The following LRRFIP1 variants were observed in gnomAD, a reference collection of about 807,000 sequenced individuals.
LRRFIP1 encodes the protein LRR binding FLII interacting protein 1.
Under a neutral mutation model 104.4 loss-of-function variants are expected in LRRFIP1, and 62 were observed. The observed-to-expected ratio is 0.59, with a 90% CI of 0.48 to 0.73. LRRFIP1 has a LOEUF of 0.73. Among genes scored for constraint, LRRFIP1 ranks in the 30% least tolerant of loss-of-function variants. The probability of loss-of-function intolerance (pLI) is 0.00; values close to 1 mark genes in which losing one functional copy is unlikely to be tolerated. For missense variants in LRRFIP1, 796 were observed against 824.5 expected (o/e 0.97, Z 0.42); for synonymous variants, 300 against 299.0 (o/e 1.00, Z -0.03).
intron 1 of LRRFIP1, among the ~76,000 whole-genome samples, chr2:237,646,297 C>T (rs555759316): frequency 1.3e-5 from 2 of 151,656 alleles, no homozygotes; most frequent in African/African-American, 4.8e-5. Context: ...GCAGGCTGTG[C>T]AGGTTTGTTG....
Position 237,627,699 on chromosome 2 carries a change from C to T in LRRFIP1, c.55C>T (p.Leu19Phe). The change falls in exon 1 of 24, where the codon CTC becomes TTC. Residue 19 changes from leucine to phenylalanine, a missense_variant. Physicochemically the swap from Leu to Phe is conservative, Grantham distance 22. Transcript: ENST00000308482. The stretch of plus-strand genomic sequence containing the variant: ...CAAGCGGCTCCCCAACCGGGAGCGG[C>T]TCACGGCGGAGGACGACGCGCTCAA... ...GRKRLPNRERLTAEDDALNQI... is the reference protein window; with the variant it reads ...GRKRLPNRERFTAEDDALNQI... 1 of 1,371,772 alleles carries T rather than the reference C, an allele frequency of 7.3e-7. No individual in the cohort carries two copies. Among genetic ancestry groups the T allele is most frequent in the Non-Finnish European group, 9.5e-7 (1 of 1,050,934 alleles). The allele number at this position is 1,371,772 out of a possible 1,614,324, so 85.0% of individuals were successfully genotyped here. A position where few individuals can be genotyped will look rare whatever the true frequency, so the allele number is the denominator to read the frequency against.
At chr2:237,744,039 C>G (rs2057475302) in intron 11 of LRRFIP1, among the ~76,000 whole-genome samples, 1 of 152,202 alleles carries the variant, frequency 6.6e-6, no homozygotes. Flanking sequence ...AGAAAAACAA[C>G]ACTATTTTGA....
intron 1 of LRRFIP1, chr2:237,684,299 C>T (rs1575451741): frequency 1.3e-5 from 2 of 151,696 alleles, no homozygotes; most frequent in East Asian, 3.9e-4. Flanking sequence ...TGGTGAAACC[C>T]CATCTCTATT....
chr2:237,647,558 T>C (rs1394812418), intron 1 of LRRFIP1, among the ~76,000 whole-genome samples: 2 of 152,014 alleles, frequency 1.3e-5, no homozygotes, highest in African/African-American at 4.8e-5. Flanking sequence ...AGAAGCGGGG[T>C]CCTGCCCTGT....
intron 11 of LRRFIP1, among the ~76,000 whole-genome samples, chr2:237,740,863 G>A (rs1451465857): frequency 1.3e-5 from 2 of 152,124 alleles, no homozygotes; most frequent in Admixed American, 1.3e-4. Flanking sequence ...TCACTGTGCA[G>A]CATGGCTTTC....
At chr2:237,765,313 G>A (rs1285864627) in intron 19 of LRRFIP1, 4 of 213,374 alleles carry the variant, frequency 1.9e-5, no homozygotes, top group Non-Finnish European at 2.4e-5. Flanking sequence ...TTTCACGCCT[G>A]TAAACCTAGC....
chr2:237,664,429 G>A (rs929584642), intron 1 of LRRFIP1, among the ~76,000 whole-genome samples: 13 of 152,252 alleles, frequency 8.5e-5, no homozygotes, highest in African/African-American at 2.2e-4. Context: ...CGGCGGTGTG[G>A]CAGTGTGTTC....
chr2:237,689,063 A>T lies in LRRFIP1; in HGVS notation c.97-19481A>T, dbSNP rs2092599700. On this transcript the variant is annotated intron_variant, in intron 1 of 23. Coordinates refer to ENST00000308482, the MANE Select transcript of LRRFIP1 (RefSeq NM_001137550.2). ...CTTGCTCTACGTTGAAAAAAAAAAA[A>T]AAGACTGGGGGTGGGAGAGGGGACT... Among the ~76,000 whole-genome samples, 5 of 151,504 alleles carry T rather than the reference A, an allele frequency of 3.3e-5. No individual in the cohort carries two copies. In the South Asian group the frequency reaches 1.1e-3, roughly 32 times the overall value.
intron 20 of LRRFIP1, chr2:237,770,305 A>G (rs2060508249): frequency 7.0e-6 from 2 of 287,300 alleles, no homozygotes; most frequent in Non-Finnish European, 1.3e-5. Context: ...TAATAATATT[A>G]ATGATTAACT....
At position 237,735,509 on chromosome 2, in the gene LRRFIP1, G is replaced by T; in HGVS notation, c.555+176G>T. On this transcript the variant is annotated intron_variant, in intron 10 of 23. Transcript: ENST00000308482. This position sits in a 1 kb window ranked among gnomAD's most constrained non-coding sequence, Gnocchi z 4.6. ...GAAGGTCACAAATAATGTGAATCAG[G>T]AAACCTCTGGTTGTTGGTTTCATGT... 1.7e-6 allele frequency: 1 copy of T among 583,172 alleles called. No homozygotes were observed. The highest frequency in any genetic ancestry group is 3.0e-6 in the Non-Finnish European group (1 of 337,202). The allele number at this position is 583,172 out of a possible 1,614,324, so 36.1% of individuals were successfully genotyped here. A position where few individuals can be genotyped will look rare whatever the true frequency, so the allele number is the denominator to read the frequency against.
chr2:237,654,064 C>T (rs1045444487), intron 1 of LRRFIP1, among the ~76,000 whole-genome samples: 2 of 152,106 alleles, frequency 1.3e-5, no homozygotes, highest in Admixed American at 6.5e-5. Flanking sequence ...AGTAAAATGA[C>T]AAACTAACCT....
rs2061425027 is a variant in LRRFIP1 at position 237,781,486 on chromosome 2, T to C, written c.*1954T>C. Among the ~76,000 whole-genome samples, 1 of 152,178 alleles carries C rather than the reference T, an allele frequency of 6.6e-6. No homozygotes were observed. Among genetic ancestry groups the C allele is most frequent in the Non-Finnish European group, 1.5e-5 (1 of 68,032 alleles). ...CCCTGAGAAGATGGCGTTTTCCCTA[T>C]CAGTGGCTCTGAGGAAGTCAAGCCT... On this transcript the variant is annotated 3_prime_UTR_variant, in exon 24 of 24. Transcript: ENST00000308482.
chr2:237,744,913 C>T (rs1031097747), intron 11 of LRRFIP1, among the ~76,000 whole-genome samples: 23 of 152,376 alleles, frequency 1.5e-4, no homozygotes, highest in African/African-American at 5.1e-4. Context: ...GGACCGTCTG[C>T]AGCCACCATG....
At position 237,648,442 on chromosome 2, in the gene LRRFIP1, C is replaced by T. The variant is rs935932162; in HGVS notation, c.96+20702C>T. Among the ~76,000 whole-genome samples, 3 of 151,918 alleles carry T rather than the reference C, an allele frequency of 2.0e-5. No homozygotes were observed. The East Asian group carries it at 5.8e-4, about 29-fold the overall frequency. The stretch of plus-strand genomic sequence containing the variant: ...TGTAATCTGGTATAACAAGATGCCT[C>T]ACGGCCAGGTGCCGTTGGCTCCTGC... On this transcript the variant is annotated intron_variant, in intron 1 of 23. Transcript: ENST00000308482.
At position 237,742,479 on chromosome 2, in the gene LRRFIP1, C is replaced by A. The variant is rs369449772; in HGVS notation, c.633+3170C>A. Among the ~76,000 whole-genome samples the A allele has an allele frequency of 5.3e-5, 8 of 152,286 alleles. No homozygotes were observed. In the East Asian group the frequency reaches 1.5e-3, roughly 29 times the overall value. On this transcript the variant is annotated intron_variant, in intron 11 of 23. Transcript: ENST00000308482. Reference sequence around the variant, plus strand: ...TTCCCTCGCGGATGTGTTACGGTATCCCTTGATTGATCGTGTCGAGAATAG... The same window carrying A: ...TTCCCTCGCGGATGTGTTACGGTATACCTTGATTGATCGTGTCGAGAATAG...
chr2:237,762,463 G>T (rs980648817), intron 19 of LRRFIP1: 2 of 738,564 alleles, frequency 2.7e-6, no homozygotes, highest in Non-Finnish European at 4.4e-6. Flanking sequence ...ACTGGCAAAG[G>T]CTTGTTTCTC....
chr2:237,668,853 A>G (rs1199389397), intron 1 of LRRFIP1, among the ~76,000 whole-genome samples: 1 of 152,102 alleles, frequency 6.6e-6, no homozygotes, highest in Non-Finnish European at 1.5e-5. Context: ...AGGAAAATTC[A>G]GGCAATAGTA....
At chr2:237,677,473 C>A (rs189773927) in intron 1 of LRRFIP1, among the ~76,000 whole-genome samples, 1 of 152,228 alleles carries the variant, frequency 6.6e-6, no homozygotes, top group African/African-American at 2.4e-5. Context: ...CTACAAAAGA[C>A]CAAATTATTT....
chr2:237,699,371 G>A (rs1481690851), intron 1 of LRRFIP1, among the ~76,000 whole-genome samples: 1 of 101,024 alleles, frequency 9.9e-6, no homozygotes, highest in Non-Finnish European at 1.9e-5. Context: ...CTTTTTTTTT[G>A]AGATGGAATT....
Sources: allele counts gnomAD v4.1 joint callset (sites outside exome capture counted in the v4.1 genomes callset), GRCh38; gene constraint gnomAD v4.1.1; non-coding constraint Gnocchi (gnomAD v3.1); transcripts MANE v1.5; gene names NCBI Gene and HGNC (gene_info 2026-07-23, HGNC 2026-07-21).